The following OVCH1 variants were observed in gnomAD, a reference collection of about 807,000 sequenced individuals.
The protein encoded by OVCH1 is ovochymase 1.
OVCH1 carries 139 observed loss-of-function variants against 138.4 expected under a neutral mutation model. That is an observed-to-expected ratio of 1.00 (90% CI 0.87 to 1.16). The LOEUF (loss-of-function observed/expected upper bound fraction) is 1.16, where lower values mean the gene tolerates loss of function less well. Among genes scored for constraint, OVCH1 ranks in the 50% most tolerant of loss-of-function variants. The pLI is 0.00. For synonymous variants in OVCH1, 453 were observed against 467.8 expected, an observed-to-expected ratio of 0.97 and a Z score of 0.41; for missense variants, 1,367 against 1,357.9, an observed-to-expected ratio of 1.01 and a Z score of -0.11.
chr12:29,473,217 A>G, intron 14 of OVCH1, 114 bp from the exon 15 acceptor site: 1 of 674,804 alleles, frequency 1.5e-6, no homozygotes. Flanking sequence ...CACTAACACT[A>G]CCATTCATAC....
chr12:29,419,397 C>G (rs1375945442), intron 3 of OVCH1, among the ~76,000 whole-genome samples: 1 of 151,708 alleles, frequency 6.6e-6, no homozygotes, highest in Non-Finnish European at 1.5e-5. Flanking sequence ...ATGCCATTCT[C>G]CTGCCTCAGC....
chr12:29,439,038 A>C (rs1388070901), intron 26 of OVCH1, among the ~76,000 whole-genome samples: 1 of 152,110 alleles, frequency 6.6e-6, no homozygotes, highest in African/African-American at 2.4e-5. Context: ...CACTATCTCC[A>C]CTAGGAGGGC....
At chr12:29,446,060 T>C (rs1355727064) in intron 22 of OVCH1, among the ~76,000 whole-genome samples, 1 of 152,128 alleles carries the variant, frequency 6.6e-6, no homozygotes, top group African/African-American at 2.4e-5. Flanking sequence ...AGATACTTCT[T>C]TTCTCCTTTC....
intron 25 of OVCH1, among the ~76,000 whole-genome samples, chr12:29,440,331 T>C (rs1332205694): frequency 6.6e-6 from 1 of 152,206 alleles, no homozygotes; most frequent in Non-Finnish European, 1.5e-5. Flanking sequence ...ATACAGTTGA[T>C]TAACATTATA....
chr12:29,478,095 G>A (rs1337771029), intron 9 of OVCH1, among the ~76,000 whole-genome samples: 1 of 152,114 alleles, frequency 6.6e-6, no homozygotes, highest in Non-Finnish European at 1.5e-5. Context: ...TAGAGATCCA[G>A]GTCTATACCA....
chr12:29,462,463 G>GT (rs1942171396), intron 18 of OVCH1, among the ~76,000 whole-genome samples: 1 of 149,566 alleles, frequency 6.7e-6, no homozygotes, highest in African/African-American at 2.5e-5. Flanking sequence ...TCATAATCCT[G>GT]TTCTTCATCT....
At chr12:29,480,333 C>T (rs1942889344) in intron 8 of OVCH1, among the ~76,000 whole-genome samples, 1 of 152,114 alleles carries the variant, frequency 6.6e-6, no homozygotes, top group African/African-American at 2.4e-5. Flanking sequence ...GCATTGATAA[C>T]AAAAGATTCA....
At chr12:29,472,036 C>A (rs1383477948) in intron 15 of OVCH1, 54 bp from the exon 16 acceptor site, 2 of 1,497,246 alleles carry the variant, frequency 1.3e-6, no homozygotes, top group Admixed American at 2.1e-5. Context: ...TTAGAACATA[C>A]TCCTCCAATA....
downstream of OVCH1, among the ~76,000 whole-genome samples, chr12:29,422,940 T>C (rs542821907): frequency 1.5e-4 from 23 of 152,308 alleles, no homozygotes; most frequent in African/African-American, 5.3e-4. Context: ...ACAAATTAAC[T>C]TTATTACCTC....
intron 12 of OVCH1, 122 bp downstream of exon 12, chr12:29,476,980 T>A: frequency 2.5e-6 from 3 of 1,186,602 alleles, no homozygotes; most frequent in Non-Finnish European, 3.4e-6. Flanking sequence ...TAAAAAAAAA[T>A]GGCAAATGGC....
At position 29,445,325 on chromosome 12, in the gene OVCH1, A is replaced by G. The variant is rs74678553; in HGVS notation, c.2834T>C (p.Leu945Pro). The G allele has an allele frequency of 1.5e-3, 2,363 of 1,611,992 alleles. 12 individuals are homozygous for G. Among genetic ancestry groups the G allele is most frequent in the African/African-American group, 7.0e-3 (524 of 74,962 alleles). Residue 945 changes from leucine to proline, a missense_variant, in exon 23 of 28, where the codon CTT becomes CCT. Coordinates refer to ENST00000318184, the Ensembl canonical transcript of OVCH1. Reference sequence around the variant, plus strand: ...GCTTATACCAAATGCACCTCGTACAAGGGCATGGAATGTCACCCTCACCAG... The same window carrying G: ...GCTTATACCAAATGCACCTCGTACAGGGGCATGGAATGTCACCCTCACCAG...
At chr12:29,430,249 C>A (rs1220069923) in intron 27 of OVCH1, among the ~76,000 whole-genome samples, 2 of 151,930 alleles carry the variant, frequency 1.3e-5, no homozygotes, top group East Asian at 3.9e-4. Flanking sequence ...ACTTCAATAT[C>A]ATTTATGAAA....
intron 16 of OVCH1, among the ~76,000 whole-genome samples, chr12:29,467,031 T>G (rs1246461235): frequency 6.6e-6 from 1 of 152,150 alleles, no homozygotes; most frequent in East Asian, 1.9e-4. Context: ...TTTGACTTAC[T>G]CATGTGTTTC....
chr12:29,458,435 G>A (rs1942024578), intron 19 of OVCH1, among the ~76,000 whole-genome samples: 1 of 148,268 alleles, frequency 6.7e-6, no homozygotes, highest in African/African-American at 2.5e-5. Context: ...AAAATTGGAT[G>A]TCCTTAATAC....
chr12:29,445,958 C>A (rs1351789792), intron 22 of OVCH1, among the ~76,000 whole-genome samples: 1 of 152,052 alleles, frequency 6.6e-6, no homozygotes, highest in African/African-American at 2.4e-5. Context: ...AAGAATAATT[C>A]AGTATCATTT....
At chr12:29,480,080 C>T (rs1300276380) in intron 8 of OVCH1, among the ~76,000 whole-genome samples, 3 of 152,086 alleles carry the variant, frequency 2.0e-5, no homozygotes, top group Non-Finnish European at 2.9e-5. Flanking sequence ...CCTCAGCTTC[C>T]CAAAGTGCTG....
At chr12:29,429,725 G>A (rs1163524964) in intron 27 of OVCH1, among the ~76,000 whole-genome samples, 1 of 152,188 alleles carries the variant, frequency 6.6e-6, no homozygotes, top group Non-Finnish European at 1.5e-5. Flanking sequence ...CAAGAGATGT[G>A]ATCTCAACAG....
At chr12:29,463,498 A>C (rs1232080225) in intron 18 of OVCH1, among the ~76,000 whole-genome samples, 4 of 152,134 alleles carry the variant, frequency 2.6e-5, no homozygotes, top group Non-Finnish European at 5.9e-5. Context: ...TATGTGGAAG[A>C]GGTTAAGTGG....
At chr12:29,432,753 T>C (rs1941292005) in intron 27 of OVCH1, among the ~76,000 whole-genome samples, 1 of 152,128 alleles carries the variant, frequency 6.6e-6, no homozygotes, top group South Asian at 2.1e-4. Flanking sequence ...GGTCCTGGGA[T>C]ACCTCAACTG....
Sources: gnomAD v4.1 joint callset for allele counts (sites outside exome capture counted in the v4.1 genomes callset) on GRCh38, gnomAD v4.1.1 for gene constraint, MANE v1.5 for transcripts, NCBI Gene and HGNC (gene_info 2026-07-23, HGNC 2026-07-21) for gene names.